Variants in OOEP observed in about 807,000 individuals in gnomAD.
The protein encoded by OOEP is oocyte-expressed protein homolog.
Under a neutral mutation model 13.7 loss-of-function variants are expected in OOEP, and 16 were observed. The ratio of observed to expected loss-of-function variants is 1.16; its 90% CI spans 0.79 to 1.77. OOEP has a LOEUF of 1.77. Among genes scored for constraint, OOEP ranks in the 40% most tolerant of loss-of-function variants. The pLI is 0.00. For synonymous variants in OOEP, 89 were observed against 77.1 expected, an observed-to-expected ratio of 1.15 and a Z score of -0.81; for missense variants, 195 against 193.1, an observed-to-expected ratio of 1.01 and a Z score of -0.06.
At chr6:73,377,750 C>T (rs1769154740) in intron 2 of OOEP, among the ~76,000 whole-genome samples, 1 of 152,186 alleles carries the variant, frequency 6.6e-6, no homozygotes, top group African/African-American at 2.4e-5. Context: ...TCACTGTAGC[C>T]TCGACCGTCT....
rs556452796 is a variant in OOEP at position 73,375,134 on chromosome 6, C to T, written c.26-5749G>A. ...GAGCCACCACACCCAGCCAACTCTT[C>T]TTTTAAAAAACAGACTTTCTTTGCT... On this transcript the variant is annotated intron_variant, in intron 2 of 3. Coordinates refer to the OOEP transcript ENST00000370363. Among the ~76,000 whole-genome samples, 5 of 152,252 alleles carry T rather than the reference C, an allele frequency of 3.3e-5. No individual in the cohort carries two copies. The South Asian group carries it at 6.2e-4, about 19-fold the overall frequency.
At chr6:73,370,773 G>T (rs189927739), upstream of OOEP, among the ~76,000 whole-genome samples, 5 of 152,186 alleles carry the variant, frequency 3.3e-5, no homozygotes, top group East Asian at 9.7e-4. Context: ...AATTAACTAT[G>T]TGTTTGTTTT....
chr6:73,394,745 C>A, exon 1 of OOEP: 1 of 1,026,446 alleles, frequency 9.7e-7, no homozygotes, highest in Non-Finnish European at 1.4e-6. Flanking sequence ...GAAATCAGTG[C>A]GAAGTGGGCG....
chr6:73,373,889 AAAAATATATTTTTTAAATATATTTTT>A (rs1164269494), upstream of OOEP, among the ~76,000 whole-genome samples: 2 of 152,040 alleles, frequency 1.3e-5, no homozygotes, highest in Admixed American at 6.6e-5. Flanking sequence ...GCGCTTTGCC[AAAAATATATTTTTTAAATATATTTTT>A]AAAATATATA....
chr6:73,394,816 G>A (rs923069208), exon 1 of OOEP: 3 of 1,543,846 alleles, frequency 1.9e-6, no homozygotes, highest in African/African-American at 2.7e-5. Context: ...GCGGCTGCGT[G>A]GCTTCCCTGG....
chr6:73,381,748 AGGT>A (rs1401300667), intron 2 of OOEP, among the ~76,000 whole-genome samples: 25 of 152,262 alleles, frequency 1.6e-4, no homozygotes, highest in African/African-American at 5.5e-4. Context: ...TGGAAGGCTG[AGGT>A]GGGTGGATCA....
intron 2 of OOEP, 28 bp from the exon 3 acceptor site, chr6:73,368,891 A>G (rs1768998087): frequency 1.3e-6 from 2 of 1,542,256 alleles, no homozygotes; most frequent in African/African-American, 2.7e-5. Context: ...GATACTAACC[A>G]TGGACAGGGA....
intron 2 of OOEP, chr6:73,391,621 C>T (rs943857592): frequency 6.4e-6 from 1 of 155,090 alleles, no homozygotes; most frequent in Non-Finnish European, 1.5e-5. Flanking sequence ...CTGATTCCGA[C>T]CACATAACCC....
chr6:73,369,519 GGAAA>G, intron 1 of OOEP, 80 bp downstream of exon 1: 2 of 1,522,488 alleles, frequency 1.3e-6, no homozygotes, highest in Non-Finnish European at 1.8e-6. Flanking sequence ...TGCGAATCTG[GGAAA>G]GAGACTGTAG....
chr6:73,382,454 G>C (rs899989080), intron 2 of OOEP, among the ~76,000 whole-genome samples: 6 of 151,662 alleles, frequency 4.0e-5, no homozygotes, highest in African/African-American at 1.5e-4. Flanking sequence ...CTGACCTCGT[G>C]ATCCACCTGC....
upstream of OOEP, among the ~76,000 whole-genome samples, chr6:73,371,967 A>G (rs1769064651): frequency 6.6e-6 from 1 of 151,902 alleles, no homozygotes; most frequent in African/African-American, 2.4e-5. Context: ...TCAAGGCCAG[A>G]TATTGTGGCT....
At chr6:73,375,538 C>A (rs1769125833) in intron 2 of OOEP, among the ~76,000 whole-genome samples, 1 of 149,574 alleles carries the variant, frequency 6.7e-6, no homozygotes, top group Non-Finnish European at 1.5e-5. Flanking sequence ...TATGATGGCA[C>A]CATTGCACTC....
At chr6:73,393,200 C>T (rs1769375133) in intron 2 of OOEP, among the ~76,000 whole-genome samples, 1 of 151,914 alleles carries the variant, frequency 6.6e-6, no homozygotes, top group Non-Finnish European at 1.5e-5. Context: ...CTCACTGTAG[C>T]CTCAACCTCC....
upstream of OOEP, among the ~76,000 whole-genome samples, chr6:73,371,763 A>T (rs1236987770): frequency 3.4e-5 from 5 of 148,038 alleles, no homozygotes; most frequent in African/African-American, 9.9e-5. Flanking sequence ...AAATAAAAAA[A>T]AATAAAAATA....
chr6:73,392,978 G>C (rs1262719541), intron 2 of OOEP, among the ~76,000 whole-genome samples: 2 of 151,790 alleles, frequency 1.3e-5, no homozygotes, highest in Non-Finnish European at 2.9e-5. Flanking sequence ...ATGTTGACCA[G>C]GCTGGTCACG....
chr6:73,373,871 G>C (rs1034863857), upstream of OOEP, among the ~76,000 whole-genome samples: 3 of 152,066 alleles, frequency 2.0e-5, no homozygotes, highest in African/African-American at 4.8e-5. Context: ...TTATAGCCTT[G>C]AGCCACTGCG....
chr6:73,395,120 T>A (rs1301521656), upstream of OOEP: 6 of 1,613,872 alleles, frequency 3.7e-6, no homozygotes, highest in Non-Finnish European at 5.1e-6. Context: ...CCGCTGTGTT[T>A]TGCTTTGAAG....
upstream of OOEP, among the ~76,000 whole-genome samples, chr6:73,374,874 G>A (rs1769113580): frequency 6.6e-6 from 1 of 152,140 alleles, no homozygotes; most frequent in African/African-American, 2.4e-5. Flanking sequence ...CGCCCAGGCT[G>A]GAGTGCAGTG....
chr6:73,382,098 A>T (rs1335107110), intron 2 of OOEP, among the ~76,000 whole-genome samples: 2 of 152,018 alleles, frequency 1.3e-5, no homozygotes, highest in Non-Finnish European at 2.9e-5. Context: ...CTCAGGCTGC[A>T]GTGCAGTGGT....
Sources: allele counts gnomAD v4.1 joint callset (sites outside exome capture counted in the v4.1 genomes callset), GRCh38; gene constraint gnomAD v4.1.1; transcripts MANE v1.5; gene names NCBI Gene and HGNC (gene_info 2026-07-23, HGNC 2026-07-21).